CREBBP: variants seen among roughly 807,000 people sequenced by gnomAD.
The protein encoded by CREBBP is CREB binding lysine acetyltransferase, also known as CREB-binding protein.
A neutral mutation model predicts 265.0 loss-of-function variants in CREBBP; 19 were observed. That is an observed-to-expected ratio of 0.07 (90% confidence interval 0.05 to 0.11). CREBBP has a LOEUF of 0.11. Among genes scored for constraint, CREBBP ranks in the 10% least tolerant of loss-of-function variants. The pLI, the probability that CREBBP is intolerant of heterozygous loss-of-function variation, is 1.00. For missense variants in CREBBP, 2,525 were observed against 3,219.0 expected (o/e 0.78, Z 5.22); for synonymous variants, 1,457 against 1,223.7 (o/e 1.19, Z -3.98).
At chr16:3,777,365 GAAAT>G (rs145673583) in intron 11 of CREBBP, among the ~76,000 whole-genome samples, 24 of 151,692 alleles carry the variant, frequency 1.6e-4, no homozygotes, top group African/African-American at 5.1e-4. Context: ...AAATAAAATA[GAAAT>G]AAATAAATAA....
chr16:3,869,667 G>A (rs977670211), intron 1 of CREBBP, among the ~76,000 whole-genome samples: 5 of 152,108 alleles, frequency 3.3e-5, no homozygotes, highest in African/African-American at 9.7e-5. Flanking sequence ...ACAGCCACAC[G>A]TGGCTCGTGG....
In CREBBP at chr16:3,729,044, A is replaced by G. The variant is rs200998860; in HGVS notation, c.6003T>C (p.Asn2001=). The change falls in exon 31 of 31, where the codon AAT becomes AAC. Residue 2001 remains asparagine, a synonymous_variant. Transcript: ENST00000262367. ...CGCTCACCTGGTTGGGTCGGGGCACATTCAGGCTCACGGGGGCCATCTGGC... is the reference window on the plus strand; with the variant it reads ...CGCTCACCTGGTTGGGTCGGGGCACGTTCAGGCTCACGGGGGCCATCTGGC... ...PGSQMAPVSL[N]VPRPNQVSGP... The G allele has an allele frequency of 2.5e-3, 4,039 of 1,587,542 alleles. 13 individuals carry two copies. Among genetic ancestry groups the G allele is most frequent in the Middle Eastern group, 9.8e-3 (59 of 6,034 alleles).
chr16:3,863,870 A>C (rs1314669947), intron 1 of CREBBP, among the ~76,000 whole-genome samples: 1 of 152,188 alleles, frequency 6.6e-6, no homozygotes, highest in East Asian at 1.9e-4. Flanking sequence ...GAACACAGTA[A>C]TGACCCAGCA....
intron 16 of CREBBP, among the ~76,000 whole-genome samples, chr16:3,764,573 C>CT (rs1259798195): frequency 1.3e-5 from 2 of 151,866 alleles, no homozygotes; most frequent in African/African-American, 4.8e-5. Context: ...ACTGTGTCCA[C>CT]TCATTTCTTA....
intron 11 of CREBBP, among the ~76,000 whole-genome samples, chr16:3,776,047 G>C (rs2141225013): frequency 6.6e-6 from 1 of 152,248 alleles, no homozygotes; most frequent in East Asian, 1.9e-4. Flanking sequence ...CTCCCGCGTA[G>C]CTGGGATTAC....
chr16:3,739,748 C>T (rs1249113501), intron 24 of CREBBP, 24 bp from the exon 25 acceptor site: 1 of 1,614,222 alleles, frequency 6.2e-7, no homozygotes, highest in Non-Finnish European at 8.5e-7. Context: ...CAGAGCCGGA[C>T]ATTTACAAAG....
intron 27 of CREBBP, 170 bp from the exon 28 acceptor site, chr16:3,736,373 C>T (rs531939202): frequency 1.3e-4 from 98 of 783,702 alleles, no homozygotes; most frequent in East Asian, 1.2e-3. Context: ...CACCCCCCAC[C>T]ACAGTGCTGG....
intron 9 of CREBBP, among the ~76,000 whole-genome samples, 194 bp downstream of exon 9, chr16:3,778,506 C>A (rs2053197638): frequency 6.6e-6 from 1 of 152,182 alleles, no homozygotes; most frequent in Non-Finnish European, 1.5e-5. Context: ...ACTCCATGCA[C>A]CAATGTAGCT....
At chr16:3,813,838 G>C (rs2053983767) in intron 2 of CREBBP, among the ~76,000 whole-genome samples, 1 of 152,176 alleles carries the variant, frequency 6.6e-6, no homozygotes, top group Non-Finnish European at 1.5e-5. Context: ...TCTTTTGGAA[G>C]TTTCTAATTA....
chr16:3,849,166 C>T (rs931631156), intron 2 of CREBBP, among the ~76,000 whole-genome samples: 5 of 152,122 alleles, frequency 3.3e-5, no homozygotes, highest in East Asian at 1.9e-4. Context: ...AGCCTCTGGC[C>T]GCAGAGCATC....
intron 5 of CREBBP, among the ~76,000 whole-genome samples, chr16:3,788,296 T>C (rs2053432929): frequency 6.6e-6 from 1 of 152,226 alleles, no homozygotes; most frequent in South Asian, 2.1e-4. Context: ...TGCACACTAA[T>C]CACCCAGGAT....
chr16:3,849,465 G>GA (rs2141484657), intron 2 of CREBBP, among the ~76,000 whole-genome samples: 2 of 132,950 alleles, frequency 1.5e-5, no homozygotes, highest in Non-Finnish European at 1.6e-5. Flanking sequence ...GTGTGTGTGT[G>GA]TGTGTGTGTG....
chr16:3,839,950 A>G (rs1222398784), intron 2 of CREBBP, among the ~76,000 whole-genome samples: 3 of 152,200 alleles, frequency 2.0e-5, no homozygotes, highest in African/African-American at 7.2e-5. Flanking sequence ...TACATTCTAT[A>G]GGACACCTAT....
chr16:3,837,778 T>G (rs1390329329), intron 2 of CREBBP, among the ~76,000 whole-genome samples: 1 of 152,044 alleles, frequency 6.6e-6, no homozygotes, highest in Non-Finnish European at 1.5e-5. Context: ...AAACTGAAGT[T>G]TATAAAGTGA....
intron 15 of CREBBP, among the ~76,000 whole-genome samples, chr16:3,768,148 T>TTTTG: frequency 9.0e-6 from 1 of 110,942 alleles, no homozygotes; most frequent in Non-Finnish European, 1.8e-5. Flanking sequence ...TTTTTTTTTT[T>TTTTG]TTTTTTTTTT....
At chr16:3,856,495 T>A (rs2054967322) in intron 1 of CREBBP, among the ~76,000 whole-genome samples, 1 of 152,142 alleles carries the variant, frequency 6.6e-6, no homozygotes, top group Admixed American at 6.5e-5. Context: ...TAAAAAAATT[T>A]TTTTTTGTAG....
At chr16:3,778,673 G>T (rs2141236675) in intron 9 of CREBBP, 27 bp downstream of exon 9, 1 of 1,520,268 alleles carries the variant, frequency 6.6e-7, no homozygotes, top group Non-Finnish European at 9.1e-7. Context: ...TGCTGTAGAG[G>T]CCAGAGCACG....
chr16:3,873,353 T>TA (rs1429917869), intron 1 of CREBBP, among the ~76,000 whole-genome samples: 4 of 152,134 alleles, frequency 2.6e-5, no homozygotes, highest in Non-Finnish European at 5.9e-5. Context: ...AAAAATACAA[T>TA]AAAAAATGGA....
intron 16 of CREBBP, among the ~76,000 whole-genome samples, chr16:3,759,576 A>G (rs543010041): frequency 2.0e-5 from 3 of 151,966 alleles, no homozygotes; most frequent in South Asian, 2.1e-4. Context: ...AACAAGAGCA[A>G]AACTCTGTCT....
Sources: gnomAD v4.1 joint callset for allele counts (sites outside exome capture counted in the v4.1 genomes callset) on GRCh38, gnomAD v4.1.1 for gene constraint, MANE v1.5 for transcripts, NCBI Gene and HGNC (gene_info 2026-07-23, HGNC 2026-07-21) for gene names.